BLTP2: variants seen among roughly 807,000 people sequenced by gnomAD.
The protein encoded by BLTP2 is U937-associated antigen.
chr17:28,639,756 G>T, the BLTP2 span: 2 of 1,409,264 alleles, frequency 1.4e-6, no homozygotes, highest in Non-Finnish European at 2.0e-6. Flanking sequence ...AAACTTGTGA[G>T]CTGGGGCTAT....
At chr17:28,621,574 C>T in the BLTP2 span, 1 of 1,057,550 alleles carries the variant, frequency 9.5e-7, no homozygotes, top group East Asian at 2.4e-5. Context: ...TGACAGATCT[C>T]CATGTTTCAA....
the BLTP2 span, chr17:28,621,156 C>G: frequency 1.2e-6 from 2 of 1,613,840 alleles, no homozygotes; most frequent in African/African-American, 1.3e-5. Flanking sequence ...TGTGCCTCAG[C>G]TGGCTGGTTC....
chr17:28,640,177 G>A, the BLTP2 span: 5 of 785,778 alleles, frequency 6.4e-6, no homozygotes, highest in East Asian at 2.9e-5. Context: ...GGGGGATCAC[G>A]AGGTCAGGAG....
chr17:28,637,878 T>C, the BLTP2 span: 24 of 1,614,168 alleles, frequency 1.5e-5, no homozygotes, highest in Non-Finnish European at 2.0e-5. Flanking sequence ...TCTTCGACCT[T>C]CAAGTCCACC....
the BLTP2 span, among the ~76,000 whole-genome samples, chr17:28,623,559 G>C: frequency 2.1e-5 from 3 of 146,164 alleles, no homozygotes; most frequent in Non-Finnish European, 4.4e-5. Flanking sequence ...AGTTTCTTTT[G>C]CAATGAAATA....
chr17:28,642,520 G>A, the BLTP2 span: 18 of 595,436 alleles, frequency 3.0e-5, no homozygotes, highest in East Asian at 5.7e-5. Flanking sequence ...GCGCGGTGGC[G>A]GCCGCCTGTA....
the BLTP2 span, chr17:28,632,060 G>C: frequency 6.2e-7 from 1 of 1,612,676 alleles, no homozygotes; most frequent in Non-Finnish European, 8.5e-7. Context: ...TGCAGCTGGG[G>C]AAAGAGGGCT....
the BLTP2 span, chr17:28,628,199 C>T: frequency 7.2e-7 from 1 of 1,392,226 alleles, no homozygotes; most frequent in East Asian, 2.3e-5. Flanking sequence ...CCTTTTAAAA[C>T]TCCTGTCCAA....
chr17:28,628,090 C>T, the BLTP2 span, among the ~76,000 whole-genome samples: 8 of 152,280 alleles, frequency 5.3e-5, no homozygotes, highest in South Asian at 6.2e-4. Context: ...CATTTAATGC[C>T]CCAACATCAC....
chr17:28,634,427 A>G, the BLTP2 span: 12 of 1,104,342 alleles, frequency 1.1e-5, no homozygotes, highest in Admixed American at 2.4e-5. Flanking sequence ...CACAGTTCCC[A>G]ATATAACCTA....
At chr17:28,643,526 ATGCCTC>A in the BLTP2 span, 2 of 1,444,902 alleles carry the variant, frequency 1.4e-6, no homozygotes, top group Non-Finnish European at 1.9e-6. Flanking sequence ...TTGGATTGTG[ATGCCTC>A]TGCAGAAGAG....
chr17:28,644,971 G>T, the BLTP2 span: 1 of 1,563,336 alleles, frequency 6.4e-7, no homozygotes, highest in African/African-American at 1.4e-5. Context: ...CGCCGCCGGC[G>T]CGGCCGGGAA....
the BLTP2 span, chr17:28,620,721 A>T: frequency 2.8e-6 from 4 of 1,412,566 alleles, no homozygotes; most frequent in Non-Finnish European, 3.9e-6. Flanking sequence ...CCACCCCACT[A>T]GTCAACCCCA....
At chr17:28,635,646 A>G in the BLTP2 span, 2 of 1,570,568 alleles carry the variant, frequency 1.3e-6, no homozygotes, top group East Asian at 2.2e-5. Flanking sequence ...GTCAATTACC[A>G]TGTCACAAAA....
chr17:28,634,991 G>C, the BLTP2 span: 2 of 1,613,454 alleles, frequency 1.2e-6, no homozygotes, highest in Admixed American at 3.3e-5. Flanking sequence ...TCAGGTGGGA[G>C]TGGGACAGGG....
chr17:28,617,382 T>C, the BLTP2 span: 1 of 1,241,326 alleles, frequency 8.1e-7, no homozygotes, highest in Non-Finnish European at 1.2e-6. Context: ...ACTAGACAAT[T>C]GTTATGTATC....
chr17:28,643,546 C>T, the BLTP2 span: 15 of 1,513,104 alleles, frequency 9.9e-6, no homozygotes, highest in Non-Finnish European at 1.4e-5. Flanking sequence ...AGAAGAGTGT[C>T]ACTCTGCAAA....
chr17:28,642,376 G>A, the BLTP2 span: 3 of 1,585,468 alleles, frequency 1.9e-6, no homozygotes, highest in Non-Finnish European at 2.6e-6. Context: ...GCCTTGCCGG[G>A]CGCGGTGGCT....
At chr17:28,619,524 G>T in the BLTP2 span, 1 of 1,106,544 alleles carries the variant, frequency 9.0e-7, no homozygotes, top group Non-Finnish European at 1.3e-6. Flanking sequence ...AGGAAGAGAT[G>T]TCTGAACCTA....
Sources: allele counts gnomAD v4.1 joint callset (sites outside exome capture counted in the v4.1 genomes callset), GRCh38; gene constraint gnomAD v4.1.1; transcripts MANE v1.5; gene names NCBI Gene and HGNC (gene_info 2026-07-23, HGNC 2026-07-21).